Variants in KIAA0825 observed in about 807,000 individuals in gnomAD.
The protein encoded by KIAA0825 is uncharacterized protein KIAA0825.
Under a neutral mutation model 147.6 loss-of-function variants are expected in KIAA0825, and 119 were observed. The ratio of observed to expected loss-of-function variants is 0.81; its 90% CI spans 0.69 to 0.94. KIAA0825 has a LOEUF of 0.94. KIAA0825 is among the 40% of genes least tolerant of loss of function. The probability of loss-of-function intolerance (pLI) is 0.00; values close to 1 mark genes in which losing one functional copy is unlikely to be tolerated. For synonymous variants in KIAA0825, 470 were observed against 518.1 expected (o/e 0.91, Z 1.26); for missense variants, 1,381 against 1,472.7 (o/e 0.94, Z 1.02).
intron 6 of KIAA0825, among the ~76,000 whole-genome samples, chr5:94,484,239 C>T (rs1474344643): frequency 2.6e-5 from 4 of 151,684 alleles, no homozygotes; most frequent in Non-Finnish European, 5.9e-5. Flanking sequence ...TAGACATTTT[C>T]TTAGGTATTT....
intron 20 of KIAA0825, among the ~76,000 whole-genome samples, chr5:94,220,390 T>A (rs1773576787): frequency 6.6e-6 from 1 of 152,178 alleles, no homozygotes; most frequent in Non-Finnish European, 1.5e-5. Context: ...AGGAGTACAC[T>A]ATAACAATGA....
intron 20 of KIAA0825, among the ~76,000 whole-genome samples, chr5:94,241,964 A>C (rs985855630): frequency 6.6e-6 from 1 of 152,188 alleles, no homozygotes; most frequent in East Asian, 1.9e-4. Context: ...GTTTTACTTT[A>C]TCTCTCTCTC....
chr5:94,546,760 A>G (rs980185957), intron 2 of KIAA0825, among the ~76,000 whole-genome samples: 1 of 150,470 alleles, frequency 6.6e-6, no homozygotes, highest in Non-Finnish European at 1.5e-5. Context: ...TGAAGACTAC[A>G]ATAAATACCT....
intron 20 of KIAA0825, among the ~76,000 whole-genome samples, chr5:94,308,100 A>G (rs1778863711): frequency 6.6e-6 from 1 of 151,740 alleles, no homozygotes; most frequent in Non-Finnish European, 1.5e-5. Context: ...GAGTTTTTCA[A>G]TACTAAATCT....
chr5:94,154,034 A>G lies in KIAA0825; in HGVS notation c.3801T>C (p.Ser1267=). The change falls in exon 21 of 21, where the codon TCT becomes TCC. Residue 1267 remains serine, a synonymous_variant. Coordinates refer to ENST00000682413, the MANE Select transcript of KIAA0825 (RefSeq NM_001145678.3). ...ACTGTTCCTCTATGTTATCTGAGGCAGAAGAGTTCTGTGGGGTGCAAATTT... is the reference window on the plus strand; with the variant it reads ...ACTGTTCCTCTATGTTATCTGAGGCGGAAGAGTTCTGTGGGGTGCAAATTT... ...LKQICTPQNS[S]ASDNIEEQ 1 of 1,551,542 alleles carries G rather than the reference A, an allele frequency of 6.4e-7. No individual in the cohort carries two copies. Among genetic ancestry groups the G allele is most frequent in the East Asian group, 2.4e-5 (1 of 40,914 alleles).
At chr5:94,343,649 A>C (rs1350689855) in intron 20 of KIAA0825, among the ~76,000 whole-genome samples, 1 of 152,226 alleles carries the variant, frequency 6.6e-6, no homozygotes, top group East Asian at 1.9e-4. Context: ...AGATGGTGCC[A>C]CTGCACTCTA....
chr5:94,460,331 G>A (rs1005761846), intron 12 of KIAA0825, among the ~76,000 whole-genome samples: 1 of 152,046 alleles, frequency 6.6e-6, no homozygotes, highest in African/African-American at 2.4e-5. Flanking sequence ...CTATAAAGGC[G>A]AGCTAAAAAA....
At chr5:94,535,923 T>A (rs987713022) in intron 3 of KIAA0825, among the ~76,000 whole-genome samples, 8 of 152,232 alleles carry the variant, frequency 5.3e-5, no homozygotes, top group African/African-American at 1.9e-4. Flanking sequence ...TTGTTTATCT[T>A]AATAACATGT....
chr5:94,512,358 C>T (rs1766608219), intron 5 of KIAA0825, among the ~76,000 whole-genome samples: 1 of 151,818 alleles, frequency 6.6e-6, no homozygotes, highest in African/African-American at 2.4e-5. Flanking sequence ...TATAATAGCC[C>T]ATTGGAAAAA....
intron 6 of KIAA0825, among the ~76,000 whole-genome samples, chr5:94,480,111 G>A (rs966554319): frequency 6.6e-6 from 1 of 151,798 alleles, no homozygotes; most frequent in Non-Finnish European, 1.5e-5. Context: ...AGATATAGTC[G>A]TGTACATATA....
intron 1 of KIAA0825, among the ~76,000 whole-genome samples, chr5:94,586,439 G>A (rs1043985131): frequency 6.6e-6 from 1 of 152,170 alleles, no homozygotes; most frequent in Non-Finnish European, 1.5e-5. Flanking sequence ...AGAAAATCTG[G>A]AAGAAATGGA....
intron 14 of KIAA0825, among the ~76,000 whole-genome samples, chr5:94,430,205 C>T (rs1755482103): frequency 6.6e-6 from 1 of 152,112 alleles, no homozygotes; most frequent in Admixed American, 6.5e-5. Context: ...GCCTGCTGAT[C>T]CAGGTGATCT....
At chr5:94,606,990 C>A (rs1396611080) in intron 1 of KIAA0825, among the ~76,000 whole-genome samples, 1 of 152,128 alleles carries the variant, frequency 6.6e-6, no homozygotes, top group Non-Finnish European at 1.5e-5. Flanking sequence ...GGGCACCAAG[C>A]CATTCATGAG....
chr5:94,514,848 G>A (rs1400093871), intron 5 of KIAA0825, among the ~76,000 whole-genome samples: 1 of 151,874 alleles, frequency 6.6e-6, no homozygotes, highest in African/African-American at 2.4e-5. Flanking sequence ...CATTCCTTGA[G>A]GGATTCACTT....
At chr5:94,428,591 C>A (rs1445233260) in intron 14 of KIAA0825, among the ~76,000 whole-genome samples, 6 of 152,180 alleles carry the variant, frequency 3.9e-5, no homozygotes, top group Non-Finnish European at 1.5e-5. Flanking sequence ...TCTACTGACT[C>A]ACAAGGTTTC....
At chr5:94,478,884 T>C (rs896123196) in intron 6 of KIAA0825, among the ~76,000 whole-genome samples, 4 of 152,136 alleles carry the variant, frequency 2.6e-5, no homozygotes, top group Non-Finnish European at 5.9e-5. Context: ...AAAGTAGATA[T>C]GAGAAGCTGA....
chr5:94,257,042 GA>G (rs1382847211), intron 20 of KIAA0825, among the ~76,000 whole-genome samples: 1 of 151,442 alleles, frequency 6.6e-6, no homozygotes, highest in Non-Finnish European at 1.5e-5. Flanking sequence ...TTTCTAAAAA[GA>G]AAAAAAGGGA....
intron 20 of KIAA0825, among the ~76,000 whole-genome samples, chr5:94,263,178 T>A (rs1290928110): frequency 2.6e-5 from 4 of 152,016 alleles, no homozygotes; most frequent in Non-Finnish European, 5.9e-5. Context: ...AGAAAAAAAA[T>A]AGCATAGGAA....
At chr5:94,277,322 A>T (rs1458210382) in intron 20 of KIAA0825, among the ~76,000 whole-genome samples, 1 of 152,150 alleles carries the variant, frequency 6.6e-6, no homozygotes, top group East Asian at 1.9e-4. Context: ...TGAACAGGCA[A>T]CCTACAGAAT....
Sources: gnomAD v4.1 joint callset for allele counts (sites outside exome capture counted in the v4.1 genomes callset) on GRCh38, gnomAD v4.1.1 for gene constraint, MANE v1.5 for transcripts, NCBI Gene and HGNC (gene_info 2026-07-23, HGNC 2026-07-21) for gene names.